RPA1: variants seen among roughly 807,000 people sequenced by gnomAD.
The protein encoded by RPA1 is replication protein A1.
RPA1 carries 49 observed loss-of-function variants against 83.0 expected under a neutral mutation model. The ratio of observed to expected loss-of-function variants is 0.59; its 90% CI spans 0.47 to 0.75. RPA1 has a LOEUF of 0.75. RPA1 is among the 30% of genes least tolerant of loss of function. The pLI is 0.00. For synonymous variants in RPA1, 279 were observed against 281.8 expected, an observed-to-expected ratio of 0.99 and a Z score of 0.10; for missense variants, 693 against 776.1, an observed-to-expected ratio of 0.89 and a Z score of 1.27.
chr17:1,847,663 TTG>T (rs1310036315), intron 4 of RPA1, among the ~76,000 whole-genome samples: 1 of 152,212 alleles, frequency 6.6e-6, no homozygotes, highest in East Asian at 1.9e-4. Context: ...TCATTAGAAT[TTG>T]TATTGTGGGG....
intron 5 of RPA1, among the ~76,000 whole-genome samples, chr17:1,867,652 A>G (rs1163729113): frequency 1.3e-5 from 2 of 152,070 alleles, no homozygotes; most frequent in African/African-American, 2.4e-5. Context: ...TCAAGGCTGC[A>G]GTGATCTGTA....
chr17:1,888,621 C>A, intron 13 of RPA1, 54 bp from the exon 14 acceptor site: 1 of 1,555,328 alleles, frequency 6.4e-7, no homozygotes, highest in Non-Finnish European at 8.7e-7. Flanking sequence ...CCTCTCGGTC[C>A]GATCCTGGGC....
intron 4 of RPA1, among the ~76,000 whole-genome samples, chr17:1,849,582 G>A (rs1313060560): frequency 2.0e-5 from 3 of 150,752 alleles, no homozygotes; most frequent in East Asian, 1.9e-4. Flanking sequence ...GTGAGCCACC[G>A]CACCCGGCAT....
rs759379338 is a variant in RPA1, at chr17:1,879,641, A to C, written c.1034A>C (p.Asn345Thr). 2 of 1,614,240 alleles carry C rather than the reference A, an allele frequency of 1.2e-6. No homozygotes were observed. The highest frequency in any genetic ancestry group is 1.7e-6 in the Non-Finnish European group (2 of 1,180,038). ...RSNNREVAKR[N>T]IYLMDTSGKV... ...AACAACAGAGAAGTTGCCAAGAGGA[A>C]TATCTACTTGATGGACACATCCGGG... The change falls in exon 11 of 17, where the codon AAT becomes ACT. Residue 345 changes from asparagine to threonine, a missense_variant. Transcript: ENST00000254719.
chr17:1,858,191 G>A (rs1361623722), intron 5 of RPA1: 9 of 1,613,896 alleles, frequency 5.6e-6, no homozygotes, highest in Non-Finnish European at 7.6e-6. Context: ...GGGAAGACGA[G>A]TGCAAACTTA....
chr17:1,831,414 T>A (rs1911574050), intron 1 of RPA1, among the ~76,000 whole-genome samples: 1 of 152,038 alleles, frequency 6.6e-6, no homozygotes, highest in Admixed American at 6.6e-5. Flanking sequence ...CTGGCTTCTC[T>A]CCATCCATAC....
rs371514701 is a variant in RPA1, at chr17:1,881,268, C to T, written c.1241+577C>T. 1.1e-4 allele frequency among the ~76,000 whole-genome samples: 16 copies of T among 152,266 alleles called. No homozygotes were observed. In the East Asian group the frequency reaches 1.5e-3, roughly 15 times the overall value. ...CTTAAAAGAGTACTTCAAACTGAGA[C>T]ACAGGATGCAAGAATTGATGTGGTC... On this transcript the variant is annotated intron_variant, in intron 12 of 16. Transcript: ENST00000254719.
At chr17:1,878,117 G>C (rs755478688) in intron 8 of RPA1, among the ~76,000 whole-genome samples, 1 of 152,166 alleles carries the variant, frequency 6.6e-6, no homozygotes, top group African/African-American at 2.4e-5. Flanking sequence ...TGTAGTCCCA[G>C]CTACTTGGGA....
At chr17:1,839,336 A>T (rs1053465717) in intron 1 of RPA1, among the ~76,000 whole-genome samples, 1 of 147,468 alleles carries the variant, frequency 6.8e-6, no homozygotes, top group African/African-American at 2.5e-5. Flanking sequence ...TTTATTTTTT[A>T]TTTTTTTTGA....
intron 12 of RPA1, among the ~76,000 whole-genome samples, chr17:1,882,385 G>T (rs980630485): frequency 6.6e-6 from 1 of 152,050 alleles, no homozygotes; most frequent in African/African-American, 2.4e-5. Context: ...GGCCAGGCAC[G>T]GTGGCTCATA....
At chr17:1,890,247 C>T (rs1400056869) in intron 14 of RPA1, among the ~76,000 whole-genome samples, 1 of 151,912 alleles carries the variant, frequency 6.6e-6, no homozygotes, top group African/African-American at 2.4e-5. Context: ...TGCACTTGTC[C>T]CAGCTACTCA....
chr17:1,869,574 A>G (rs1286228375), intron 5 of RPA1, among the ~76,000 whole-genome samples: 1 of 152,170 alleles, frequency 6.6e-6, no homozygotes, highest in Non-Finnish European at 1.5e-5. Flanking sequence ...CCCCTAGGTC[A>G]AAGCCAGTGA....
rs531906637 is a variant in RPA1, at chr17:1,830,053, A to G, written c.-41A>G. 2.4e-6 allele frequency: 3 copies of G among 1,248,444 alleles called. No homozygotes were observed. Among genetic ancestry groups the G allele is most frequent in the Non-Finnish European group, 3.0e-6 (3 of 987,648 alleles). 77.3% of individuals were successfully genotyped at this position (1,248,444 alleles called of 1,614,324 possible). A position where few individuals can be genotyped will look rare whatever the true frequency, so the allele number is the denominator to read the frequency against. ...CGCGGGACCCGGGTGGGGAAGCTGG[A>G]GCTGTTGCGGGGTCCGCGGGGAAGT... On this transcript the variant is annotated 5_prime_UTR_variant, in exon 1 of 17. Transcript: ENST00000254719.
At chr17:1,857,778 C>T (rs1456443606) in intron 5 of RPA1, among the ~76,000 whole-genome samples, 1 of 143,456 alleles carries the variant, frequency 7.0e-6, no homozygotes, top group Non-Finnish European at 1.5e-5. Context: ...AGAATAACTG[C>T]TTCTAGGCCG....
intron 2 of RPA1, 107 bp downstream of exon 2, chr17:1,842,960 C>A: frequency 8.8e-7 from 1 of 1,139,856 alleles, no homozygotes; most frequent in Non-Finnish European, 1.3e-6. Flanking sequence ...CGGAAATTCA[C>A]CCCCAGTCAC....
At chr17:1,844,753 G>T in intron 4 of RPA1, 67 bp downstream of exon 4, 1 of 1,217,382 alleles carries the variant, frequency 8.2e-7, no homozygotes, top group Non-Finnish European at 1.2e-6. Flanking sequence ...AATAAAAAAG[G>T]CAATAGTGAG....
chr17:1,839,981 C>T (rs557612773), intron 1 of RPA1, among the ~76,000 whole-genome samples: 2 of 151,368 alleles, frequency 1.3e-5, no homozygotes, highest in South Asian at 2.1e-4. Context: ...TTTGTAGAGA[C>T]GGGGTTTCAC....
chr17:1,879,948 A>AG (rs1913721710), intron 11 of RPA1, among the ~76,000 whole-genome samples: 1 of 129,366 alleles, frequency 7.7e-6, no homozygotes, highest in Non-Finnish European at 1.6e-5. Flanking sequence ...GAGTTGAGGG[A>AG]GGGAGGGGTC....
intron 1 of RPA1, among the ~76,000 whole-genome samples, chr17:1,834,129 G>A (rs1334879475): frequency 6.6e-5 from 10 of 152,162 alleles, no homozygotes; most frequent in Admixed American, 5.2e-4. Context: ...GCAGTGAGCC[G>A]AGATTGCACC....
Sources: allele counts gnomAD v4.1 joint callset (sites outside exome capture counted in the v4.1 genomes callset), GRCh38; gene constraint gnomAD v4.1.1; transcripts MANE v1.5; gene names NCBI Gene and HGNC (gene_info 2026-07-23, HGNC 2026-07-21).